TFDP2: variants seen among roughly 807,000 people sequenced by gnomAD.
The protein encoded by TFDP2 is transcription factor Dp-2.
Under a neutral mutation model 59.3 loss-of-function variants are expected in TFDP2, and 17 were observed. The observed-to-expected ratio is 0.29, with a 90% CI of 0.20 to 0.43. The LOEUF (loss-of-function observed/expected upper bound fraction) is 0.43. Ranked by LOEUF, TFDP2 falls within the 20% of genes least tolerant of loss-of-function variation. TFDP2 has a pLI of 1.00. For missense variants in TFDP2, 391 were observed against 528.8 expected (o/e 0.74, Z 2.56); for synonymous variants, 180 against 194.7 (o/e 0.92, Z 0.63).
At position 141,949,807 on chromosome 3, in the gene TFDP2, A is replaced by ACTTTTTT. The variant is rs1553751358; in HGVS notation, c.*2705_*2706insAAAAAAG. The ACTTTTTT allele has an allele frequency of 1.0e-5, 1 of 98,030 alleles. No homozygotes were observed. Among genetic ancestry groups the ACTTTTTT allele is most frequent in the African/African-American group, 4.4e-5 (1 of 22,924 alleles). 6.1% of individuals were successfully genotyped at this position (98,030 alleles called of 1,614,324 possible). A position where few individuals can be genotyped will look rare whatever the true frequency, so the allele number is the denominator to read the frequency against. On this transcript the variant is annotated 3_prime_UTR_variant, in exon 13 of 13. Transcript: ENST00000489671. Reference sequence around the variant, plus strand: ...CCTGGGCATTGTGACCACAACTTCCATTTTTTTTTTTTTTTTTTTTGAGAC... The same window carrying ACTTTTTT: ...CCTGGGCATTGTGACCACAACTTCCACTTTTTTTTTTTTTTTTTTTTTTTTTTGAGAC...
intron 3 of TFDP2, among the ~76,000 whole-genome samples, chr3:142,080,732 T>C (rs780263228): frequency 6.6e-6 from 1 of 152,092 alleles, no homozygotes; most frequent in Non-Finnish European, 1.5e-5. Flanking sequence ...AAGACAAAAC[T>C]ATAAAGAGAC....
intron 4 of TFDP2, among the ~76,000 whole-genome samples, chr3:142,003,065 C>A (rs544582889): frequency 6.6e-6 from 1 of 151,530 alleles, no homozygotes; most frequent in Non-Finnish European, 1.5e-5. Context: ...TACAGTGCCG[C>A]GATCTCTGCT....
At chr3:142,027,035 CATTTT>C (rs1342518023) in intron 3 of TFDP2, among the ~76,000 whole-genome samples, 1 of 151,682 alleles carries the variant, frequency 6.6e-6, no homozygotes, top group Non-Finnish European at 1.5e-5. Flanking sequence ...ATTTTATTTT[CATTTT>C]GAGATTTTGT....
intron 3 of TFDP2, among the ~76,000 whole-genome samples, chr3:142,056,493 G>C (rs2059751824): frequency 1.3e-5 from 2 of 152,076 alleles, no homozygotes; most frequent in South Asian, 4.1e-4. Flanking sequence ...TAAAATATAA[G>C]ATACCTAGTT....
intron 3 of TFDP2, among the ~76,000 whole-genome samples, chr3:142,018,029 G>A (rs932988955): frequency 2.6e-5 from 4 of 151,752 alleles, no homozygotes; most frequent in African/African-American, 7.3e-5. Context: ...TGCAACCTCC[G>A]CCTCCTGGGT....
At chr3:142,029,938 G>T (rs996185320) in intron 3 of TFDP2, among the ~76,000 whole-genome samples, 12 of 152,180 alleles carry the variant, frequency 7.9e-5, no homozygotes, top group East Asian at 7.7e-4. Flanking sequence ...GATGACTAAG[G>T]TACTTTTCCT....
chr3:142,141,899 G>A (rs73236039), intron 1 of TFDP2, among the ~76,000 whole-genome samples: 12,638 of 152,024 alleles, frequency 0.083, 650 homozygotes, highest in Middle Eastern at 0.14. Flanking sequence ...TATTTATGTT[G>A]CAAAGAAGTT....
chr3:142,021,825 C>T (rs1945633242), intron 3 of TFDP2, among the ~76,000 whole-genome samples: 1 of 152,152 alleles, frequency 6.6e-6, no homozygotes, highest in Non-Finnish European at 1.5e-5. Context: ...CCTAAAAGAT[C>T]TTAGAAATCA....
chr3:141,995,883 CAA>C (rs146557075), intron 4 of TFDP2, among the ~76,000 whole-genome samples: 893 of 67,846 alleles, frequency 0.013, 5 homozygotes, highest in African/African-American at 0.043. Flanking sequence ...AACTCCATTT[CAA>C]AAAAAAAAAA....
chr3:141,991,394 C>T (rs894262397), intron 6 of TFDP2, among the ~76,000 whole-genome samples: 9 of 152,014 alleles, frequency 5.9e-5, no homozygotes, highest in Non-Finnish European at 1.2e-4. Context: ...TCAACCAGAA[C>T]ATTTAAATCA....
At chr3:142,002,320 T>TTTTG (rs1560010519) in intron 4 of TFDP2, among the ~76,000 whole-genome samples, 2 of 128,714 alleles carry the variant, frequency 1.6e-5, no homozygotes, top group Non-Finnish European at 3.6e-5. Flanking sequence ...TTTTAGTGTT[T>TTTTG]TTTTTTTTTT....
At chr3:142,109,784 C>CT (rs796891540) in intron 1 of TFDP2, among the ~76,000 whole-genome samples, 73 of 152,112 alleles carry the variant, frequency 4.8e-4, no homozygotes, top group African/African-American at 1.8e-3. Context: ...AAGAATTTTT[C>CT]TAAAAAAAAC....
intron 6 of TFDP2, among the ~76,000 whole-genome samples, chr3:141,985,562 AG>A (rs1942007219): frequency 6.6e-6 from 1 of 151,004 alleles, no homozygotes; most frequent in African/African-American, 2.4e-5. Flanking sequence ...TTTTCTTCAT[AG>A]ATTTTCTATA....
chr3:142,120,180 G>A (rs149314770), intron 1 of TFDP2, among the ~76,000 whole-genome samples: 12,603 of 151,374 alleles, frequency 0.083, 644 homozygotes, highest in Middle Eastern at 0.14. Flanking sequence ...GGCCAACAGG[G>A]TGAAATCCTG....
chr3:142,105,123 A>G (rs1318910382), intron 1 of TFDP2, among the ~76,000 whole-genome samples: 1 of 152,132 alleles, frequency 6.6e-6, no homozygotes, highest in South Asian at 2.1e-4. Context: ...AACAACAAAA[A>G]AGTTCAATTT....
intron 3 of TFDP2, among the ~76,000 whole-genome samples, chr3:142,077,354 C>CTA (rs2060493762): frequency 6.6e-6 from 1 of 152,126 alleles, no homozygotes; most frequent in African/African-American, 2.4e-5. Context: ...ACAGGGGTGG[C>CTA]TAAGGGAGTG....
At chr3:141,987,937 T>TAAAAAAAAAAAAAA (rs1455671211) in intron 6 of TFDP2, among the ~76,000 whole-genome samples, 1 of 98,846 alleles carries the variant, frequency 1.0e-5, no homozygotes, top group African/African-American at 5.5e-5. Context: ...AGACCCTGCC[T>TAAAAAAAAAAAAAA]CAAAAAAAAA....
At chr3:142,050,726 T>A (rs548895501) in intron 3 of TFDP2, among the ~76,000 whole-genome samples, 9 of 151,702 alleles carry the variant, frequency 5.9e-5, no homozygotes, top group African/African-American at 2.2e-4. Context: ...AATAAATATA[T>A]ACTCCCAGCT....
chr3:142,107,444 C>T lies in TFDP2; in HGVS notation c.-92-5603G>A, dbSNP rs955757591. Among the ~76,000 whole-genome samples, 9 of 151,832 alleles carry T rather than the reference C, an allele frequency of 5.9e-5. No homozygotes were observed. In the East Asian group the frequency reaches 1.2e-3, roughly 20 times the overall value. On this transcript the variant is annotated intron_variant, in intron 1 of 12. Coordinates refer to ENST00000489671, the MANE Select transcript of TFDP2 (RefSeq NM_001178139.2). Reference sequence around the variant, plus strand: ...AGACGGGGTTTTACCATGTTGGCCACGCTGGTCTTGAACTCCTGACCTCAT... The same window carrying T: ...AGACGGGGTTTTACCATGTTGGCCATGCTGGTCTTGAACTCCTGACCTCAT...
Sources: gnomAD v4.1 joint callset for allele counts (sites outside exome capture counted in the v4.1 genomes callset) on GRCh38, gnomAD v4.1.1 for gene constraint, MANE v1.5 for transcripts, NCBI Gene and HGNC (gene_info 2026-07-23, HGNC 2026-07-21) for gene names.